Variants in EPC2 observed in about 807,000 individuals in gnomAD.
The protein encoded by EPC2 is enhancer of polycomb homolog 2.
In EPC2, 14 loss-of-function variants were observed where a neutral mutation model predicts 92.1. The ratio of observed to expected loss-of-function variants is 0.15; its 90% CI spans 0.10 to 0.24. EPC2 has a LOEUF of 0.24. Ranked by LOEUF, EPC2 falls within the 10% of genes least tolerant of loss-of-function variation. The probability of loss-of-function intolerance (pLI) is 1.00; values close to 1 mark genes in which losing one functional copy is unlikely to be tolerated. For missense variants in EPC2, 755 were observed against 971.5 expected, an observed-to-expected ratio of 0.78 and a Z score of 2.96; for synonymous variants, 340 against 334.7, an observed-to-expected ratio of 1.02 and a Z score of -0.17.
chr2:148,770,922 T>C lies in EPC2; in HGVS notation c.1361T>C (p.Ile454Thr). The part of the protein sequence containing the change: ...RRCIGFARRR[I>T]GRGGRVIMDR... ...TGTATAGGATTTGCAAGGAGGCGAA[T>C]TGGCAGAGGTGGAAGGTGAAGTATT... is the stretch of plus-strand genomic sequence containing the variant. Residue 454 changes from isoleucine to threonine, a missense_variant, in exon 9 of 14, where the codon ATT becomes ACT. Around this residue, in one of 4 missense-constraint regions of EPC2, gnomAD observed 509 missense variants for 607.7 expected, o/e 0.84. Coordinates refer to ENST00000258484, the MANE Select transcript of EPC2 (RefSeq NM_015630.4). 2 of 1,611,718 alleles carry C rather than the reference T, an allele frequency of 1.2e-6. No individual in the cohort carries two copies. The highest frequency in any genetic ancestry group is 1.7e-6 in the Non-Finnish European group (2 of 1,179,382).
At chr2:148,658,594 T>TGC (rs1680855297) in intron 1 of EPC2, among the ~76,000 whole-genome samples, 1 of 23,518 alleles carries the variant, frequency 4.3e-5, no homozygotes, top group African/African-American at 6.8e-5. Flanking sequence ...GAAGATTAGC[T>TGC]GTGTGTGTGT....
chr2:148,757,873 TATAAA>T (rs985921844), intron 4 of EPC2, among the ~76,000 whole-genome samples: 18 of 151,660 alleles, frequency 1.2e-4, no homozygotes, highest in Non-Finnish European at 1.5e-4. Context: ...TAAAATACTG[TATAAA>T]ATAAAATAAA....
chr2:148,653,717 A>C (rs913469264), intron 1 of EPC2, among the ~76,000 whole-genome samples: 4 of 149,072 alleles, frequency 2.7e-5, no homozygotes, highest in Non-Finnish European at 4.5e-5. Context: ...TTTTTTTTTT[A>C]AATGGGCTAA....
Position 148,762,809 on chromosome 2 carries a change from A to G in EPC2, c.948+7A>G. 3.1e-6 allele frequency: 5 copies of G among 1,598,086 alleles called. No individual in the cohort carries two copies. The highest frequency in any genetic ancestry group is 3.4e-6 in the Non-Finnish European group (4 of 1,174,212). ...TCAAGAATGTAAAACTAAGGTGAAT[A>G]TTGTCTGGGAAGAAGCATGTATGGA... On this transcript the variant is annotated splice_region_variant and intron_variant, in intron 6 of 13. Transcript: ENST00000258484.
chr2:148,713,003 G>A (rs1205697698), intron 2 of EPC2, among the ~76,000 whole-genome samples: 1 of 152,036 alleles, frequency 6.6e-6, no homozygotes, highest in African/African-American at 2.4e-5. Context: ...GACCAGCCTG[G>A]GCAACATAGA....
chr2:148,739,837 T>C (rs1377902814), intron 2 of EPC2, among the ~76,000 whole-genome samples: 1 of 24,394 alleles, frequency 4.1e-5, no homozygotes. Flanking sequence ...CTTCTTCTTT[T>C]TTTTTTTTTT....
intron 1 of EPC2, among the ~76,000 whole-genome samples, chr2:148,672,854 C>G (rs1373310484): frequency 6.6e-6 from 1 of 152,102 alleles, no homozygotes; most frequent in African/African-American, 2.4e-5. Context: ...GAAGGACTCC[C>G]TTTAGCAATT....
chr2:148,646,147 GA>G (rs1198345298), intron 1 of EPC2, among the ~76,000 whole-genome samples: 1 of 152,152 alleles, frequency 6.6e-6, no homozygotes, highest in Non-Finnish European at 1.5e-5. Context: ...TTTCTTCAAT[GA>G]ACCTACAGTC....
At chr2:148,711,053 GTTA>G (rs1682132630) in intron 2 of EPC2, among the ~76,000 whole-genome samples, 1 of 151,800 alleles carries the variant, frequency 6.6e-6, no homozygotes, top group Non-Finnish European at 1.5e-5. Flanking sequence ...AGCTTTTGGT[GTTA>G]TTGTTTTTTT....
At position 148,771,348 on chromosome 2, in the gene EPC2, T is replaced by G; in HGVS notation, c.1681T>G (p.Ser561Ala). The change falls in exon 10 of 14, where the codon TCT (serine) becomes GCT (alanine). Residue 561 changes from serine (S) to alanine (A), a missense_variant. Ser to Ala is a moderately conservative substitution (Grantham distance 99, BLOSUM62 1). Coordinates refer to ENST00000258484, the MANE Select transcript of EPC2 (RefSeq NM_015630.4). ...GAACAATAAAAGAGTTTCTGCAGCA[T>G]CTGTAGCTTTATTGAACACCAGCAA... ...TVNNKRVSAA[S>A]VALLNTSKNG... 6.2e-7 allele frequency: 1 copy of G among 1,608,980 alleles called. No homozygotes were observed. Among genetic ancestry groups the G allele is most frequent in the East Asian group, 2.2e-5 (1 of 44,860 alleles).
At chr2:148,767,743 T>C (rs920826175) in intron 7 of EPC2, among the ~76,000 whole-genome samples, 1 of 152,216 alleles carries the variant, frequency 6.6e-6, no homozygotes, top group Non-Finnish European at 1.5e-5. Flanking sequence ...CCGATTTTCC[T>C]AACATTAGCT....
intron 6 of EPC2, 72 bp downstream of exon 6, chr2:148,762,874 G>C (rs1683329979): frequency 3.4e-6 from 5 of 1,467,204 alleles, no homozygotes; most frequent in Non-Finnish European, 4.5e-6. Context: ...TTCTGCAGTT[G>C]TCTTAATATG....
At position 148,702,698 on chromosome 2, in the gene EPC2, G is replaced by A. The variant is rs76082399; in HGVS notation, c.313+12325G>A. Among the ~76,000 whole-genome samples the A allele has an allele frequency of 9.8e-3, 1,493 of 152,284 alleles. 28 individuals carry two copies. The highest frequency in any genetic ancestry group is 0.081 in the East Asian group (418 of 5,186). On this transcript the variant is annotated intron_variant, in intron 2 of 13. Transcript: ENST00000258484. ...CAAGGACATTAAATGACTTGTATAA[G>A]GGACCACACCTGTTGAATGAAAGCA...
chr2:148,725,325 A>C (rs539494838), intron 2 of EPC2, among the ~76,000 whole-genome samples: 11 of 152,202 alleles, frequency 7.2e-5, no homozygotes, highest in Middle Eastern at 3.4e-3. Flanking sequence ...TTAACACTTA[A>C]CAATATTTGC....
intron 2 of EPC2, among the ~76,000 whole-genome samples, chr2:148,713,042 A>G (rs932139765): frequency 6.6e-6 from 1 of 152,168 alleles, no homozygotes; most frequent in Non-Finnish European, 1.5e-5. Flanking sequence ...ATAAATAACA[A>G]TTATTCACAG....
At chr2:148,717,215 A>AAG (rs1682279609) in intron 2 of EPC2, among the ~76,000 whole-genome samples, 1 of 41,204 alleles carries the variant, frequency 2.4e-5, no homozygotes, top group Non-Finnish European at 5.2e-5. Context: ...TTTTTTTTTG[A>AAG]GGAGTTTTTC....
chr2:148,773,683 A>G (rs531391334), intron 10 of EPC2, among the ~76,000 whole-genome samples: 6 of 152,256 alleles, frequency 3.9e-5, no homozygotes, highest in Admixed American at 2.0e-4. Context: ...ATACATAATG[A>G]AAAAAGTTTT....
At chr2:148,730,593 C>A (rs557130554) in intron 2 of EPC2, among the ~76,000 whole-genome samples, 2 of 152,216 alleles carry the variant, frequency 1.3e-5, no homozygotes, top group African/African-American at 4.8e-5. Flanking sequence ...TTTAACAAAC[C>A]CTTCAGATGA....
In EPC2 at chr2:148,783,741, GTTGT is replaced by G. The variant is rs373285038; in HGVS notation, c.2003_2006del (p.Val668AlafsTer29). The G allele has an allele frequency of 6.3e-7, 1 of 1,591,782 alleles. No homozygotes were observed. Among genetic ancestry groups the G allele is most frequent in the East Asian group, 2.3e-5 (1 of 44,266 alleles). On this transcript the variant is annotated frameshift_variant, in exon 12 of 14. Coordinates refer to ENST00000258484, the MANE Select transcript of EPC2 (RefSeq NM_015630.4). LOFTEE classifies it high-confidence loss of function. ...CACTGGCCACAACAACATAAACGGT[GTTGT>G]CCAGCCTTCAGGTACAGCTGGGGTT...
Sources: allele counts gnomAD v4.1 joint callset (sites outside exome capture counted in the v4.1 genomes callset), GRCh38; gene constraint gnomAD v4.1.1; regional missense constraint gnomAD v4.1.1; transcripts MANE v1.5; gene names NCBI Gene and HGNC (gene_info 2026-07-23, HGNC 2026-07-21).